TFRC: variants seen among roughly 807,000 people sequenced by gnomAD.
TFRC encodes transferrin receptor.
TFRC carries 35 observed loss-of-function variants against 85.8 expected under a neutral mutation model. The observed-to-expected ratio is 0.41, with a 90% CI of 0.31 to 0.54. The LOEUF (loss-of-function observed/expected upper bound fraction) is 0.54, where lower values mean the gene tolerates loss of function less well. TFRC is among the 20% of genes least tolerant of loss of function. The probability of loss-of-function intolerance (pLI) is 0.31; values close to 1 mark genes in which losing one functional copy is unlikely to be tolerated. For synonymous variants in TFRC, 362 were observed against 328.6 expected, an observed-to-expected ratio of 1.10 and a Z score of -1.10; for missense variants, 828 against 921.5, an observed-to-expected ratio of 0.90 and a Z score of 1.31.
At chr3:196,065,659 C>T (rs949737410) in intron 9 of TFRC, 59 bp from the exon 10 acceptor site, 1 of 1,515,458 alleles carries the variant, frequency 6.6e-7, no homozygotes, top group African/African-American at 1.4e-5. Flanking sequence ...GGGTTTACTC[C>T]TGTCCAGTGA....
intron 16 of TFRC, among the ~76,000 whole-genome samples, chr3:196,056,001 T>A (rs1716758592): frequency 1.3e-5 from 2 of 150,412 alleles, no homozygotes; most frequent in Non-Finnish European, 3.0e-5. Flanking sequence ...ACGAGGCCTC[T>A]CTCTGTCACC....
intron 1 of TFRC, 87 bp downstream of exon 1, chr3:196,081,956 G>T (rs1370055013): frequency 6.6e-6 from 1 of 152,420 alleles, no homozygotes; most frequent in Non-Finnish European, 1.5e-5. Flanking sequence ...ATGGCTGCTG[G>T]ACAGCACCGG....
chr3:196,053,293 A>T, intron 18 of TFRC, 125 bp downstream of exon 18: 1 of 1,059,010 alleles, frequency 9.4e-7, no homozygotes, highest in Non-Finnish European at 1.4e-6. Flanking sequence ...ATGACAGCTA[A>T]ACCATTAATG....
chr3:196,072,155 G>A lies in TFRC; in HGVS notation c.435-3C>T, dbSNP rs1442797813. 3.7e-6 allele frequency: 6 copies of A among 1,611,412 alleles called. No homozygotes were observed. Among genetic ancestry groups the A allele is most frequent in the Non-Finnish European group, 5.1e-6 (6 of 1,179,488 alleles). On this transcript the variant is annotated splice_region_variant and splice_polypyrimidine_tract_variant and intron_variant, in intron 4 of 18. Coordinates refer to ENST00000360110, the MANE Select transcript of TFRC (RefSeq NM_001128148.3). ...CATATGAATTTTCATTCAGCAGCCTGGAGGAGAAAATGCCTTTTAAATGAA... is the reference window on the plus strand; with the variant it reads ...CATATGAATTTTCATTCAGCAGCCTAGAGGAGAAAATGCCTTTTAAATGAA...
intron 9 of TFRC, among the ~76,000 whole-genome samples, 173 bp from the exon 10 acceptor site, chr3:196,065,773 C>T (rs534228154): frequency 6.6e-6 from 1 of 152,052 alleles, no homozygotes; most frequent in Admixed American, 6.6e-5. Flanking sequence ...AGGTGGATCA[C>T]AAGGTCAGGA....
chr3:196,058,366 C>T lies in TFRC; in HGVS notation c.1596-1G>A. The T allele has an allele frequency of 6.2e-7, 1 of 1,613,290 alleles. No individual in the cohort carries two copies. The highest frequency in any genetic ancestry group is 8.5e-7 in the Non-Finnish European group (1 of 1,179,418). ...AGCATTGTCTAAAGTGAGTTTCTCACTGCAAAGACAAAGAATGTGTCTTTA... is the reference window on the plus strand; with the variant it reads ...AGCATTGTCTAAAGTGAGTTTCTCATTGCAAAGACAAAGAATGTGTCTTTA... On this transcript the variant is annotated splice_acceptor_variant, in intron 15 of 18. Coordinates refer to ENST00000360110, the MANE Select transcript of TFRC (RefSeq NM_001128148.3). LOFTEE classifies it high-confidence loss of function.
At chr3:196,063,056 C>A (rs1717418222) in intron 11 of TFRC, 117 bp from the exon 12 acceptor site, 1 of 662,844 alleles carries the variant, frequency 1.5e-6, no homozygotes, top group Non-Finnish European at 2.3e-6. Flanking sequence ...ATTCCAAAAT[C>A]TTTTTTTTCT....
Position 196,068,145 on chromosome 3 carries a change from A to G in TFRC, c.802-15T>C. 1 of 1,589,260 alleles carries G rather than the reference A, an allele frequency of 6.3e-7. No homozygotes were observed. Among genetic ancestry groups the G allele is most frequent in the Non-Finnish European group, 8.6e-7 (1 of 1,161,074 alleles). On this transcript the variant is annotated splice_polypyrimidine_tract_variant and intron_variant, in intron 7 of 18. Coordinates refer to ENST00000360110, the MANE Select transcript of TFRC (RefSeq NM_001128148.3). Reference sequence around the variant, plus strand: ...GCATTTGCAACCTAAAAGAAAACATATAAAGCTCAGAAAATGAAGATCTGA... The same window carrying G: ...GCATTTGCAACCTAAAAGAAAACATGTAAAGCTCAGAAAATGAAGATCTGA...
chr3:196,072,011 G>T lies in TFRC; in HGVS notation c.576C>A (p.Val192=). ...ACCATCTTTCAACATACCTGTCTTT[G>T]ACCTGAATCTTAACAAAATGTTGAT... ...WRDQHFVKIQ[V]KDSAQNSVII... is the part of the protein sequence containing the mutation. The change falls in exon 5 of 19, where the codon GTC becomes GTA. Residue 192 remains valine, a synonymous_variant. Transcript: ENST00000360110. 6.2e-7 allele frequency: 1 copy of T among 1,612,846 alleles called. No homozygotes were observed. Among genetic ancestry groups the T allele is most frequent in the South Asian group, 1.1e-5 (1 of 90,772 alleles).
At chr3:196,058,703 T>C (rs1447369724) in intron 14 of TFRC, 71 bp from the exon 15 acceptor site, 2 of 1,041,096 alleles carry the variant, frequency 1.9e-6, no homozygotes, top group Admixed American at 2.3e-5. Flanking sequence ...CACTAACATG[T>C]TACTCTATAA....
In TFRC at chr3:196,062,889, C is replaced by T. The variant is rs1577230223; in HGVS notation, c.1369G>A (p.Asp457Asn). 1 of 1,614,146 alleles carries T rather than the reference C, an allele frequency of 6.2e-7. No individual in the cohort carries two copies. ...TCAGTGGCACCAACCGATCCAAAGT[C>T]TCCAGCACTCCAACTGGCAAAGATA... ...SIIFASWSAGDFGSVGATEWL... is the reference protein window; with the variant it reads ...SIIFASWSAGNFGSVGATEWL... Residue 457 changes from aspartate (D) to asparagine (N), a missense_variant, in exon 12 of 19, where the codon GAC becomes AAC. Asp to Asn is a conservative substitution (Grantham distance 23, BLOSUM62 1). Coordinates refer to ENST00000360110, the MANE Select transcript of TFRC (RefSeq NM_001128148.3).
At chr3:196,065,417 C>CGGT in intron 10 of TFRC, 26 bp downstream of exon 10, 1 of 371,444 alleles carries the variant, frequency 2.7e-6, no homozygotes, top group Non-Finnish European at 3.6e-6. Context: ...AAAAGCGGGG[C>CGGT]GGGGGGGGGG....
At position 196,062,749 on chromosome 3, in the gene TFRC, G is replaced by A. The variant is rs957411817; in HGVS notation, c.1405-104C>T. The A allele has an allele frequency of 4.5e-6, 7 of 1,544,382 alleles. No homozygotes were observed. In the East Asian group the frequency reaches 6.7e-5, roughly 15 times the overall value. ...ATTCTGGACTCTACTGAGACTAAACGCAAAGGCAAAAGTGGTAAAATCAAA... is the reference window on the plus strand; with the variant it reads ...ATTCTGGACTCTACTGAGACTAAACACAAAGGCAAAAGTGGTAAAATCAAA... On this transcript the variant is annotated intron_variant, in intron 12 of 18. Coordinates refer to ENST00000360110, the MANE Select transcript of TFRC (RefSeq NM_001128148.3).
Position 196,065,435 on chromosome 3 carries a change from G to GGGTTT in TFRC, c.1198+7_1198+8insAAACC. On this transcript the variant is annotated splice_region_variant and intron_variant, in intron 10 of 18. Coordinates refer to ENST00000360110, the MANE Select transcript of TFRC (RefSeq NM_001128148.3). ...AGCGGGGCGGGGGGGGGGGGGGGCG[G>GGGTTT]TCTTTACCTGGTTCTACAAAGCCTT... is the stretch of plus-strand genomic sequence containing the variant. The GGGTTT allele has an allele frequency of 1.5e-6, 1 of 655,718 alleles. No individual in the cohort carries two copies. Among genetic ancestry groups the GGGTTT allele is most frequent in the Non-Finnish European group, 2.2e-6 (1 of 463,142 alleles). 40.6% of individuals were successfully genotyped at this position (655,718 alleles called of 1,614,324 possible).
intron 5 of TFRC, 42 bp downstream of exon 5, chr3:196,071,961 T>G (rs1463841422): frequency 1.3e-6 from 2 of 1,590,766 alleles, no homozygotes; most frequent in Non-Finnish European, 1.7e-6. Context: ...CACCTGAAAA[T>G]AGCTACTTGT....
rs781575089 is a variant in TFRC at position 196,065,444 on chromosome 3, T to G, written c.1197A>C (p.Pro399=). Residue 399 remains proline, a splice_region_variant and synonymous_variant, in exon 10 of 19, where the codon CCA becomes CCC. Transcript: ENST00000360110. ...GGGGGGGGGGGGGGCGGTCTTTACC[T>G]GGTTCTACAAAGCCTTTAATAACTC... ...IFGVIKGFVE[P]DHYVVVGAQR... is the part of the protein sequence containing the mutation. 24 of 955,890 alleles carry G rather than the reference T, an allele frequency of 2.5e-5. No homozygotes were observed. The highest frequency in any genetic ancestry group is 3.8e-5 in the East Asian group (1 of 26,132). The allele number at this position is 955,890 out of a possible 1,614,324, so 59.2% of individuals were successfully genotyped here. A position where few individuals can be genotyped will look rare whatever the true frequency, so the allele number is the denominator to read the frequency against.
At position 196,077,064 on chromosome 3, in the gene TFRC, C is replaced by CA; in HGVS notation, c.35dup (p.Leu12PhefsTer22). The CA allele has an allele frequency of 6.2e-7, 1 of 1,613,486 alleles. No homozygotes were observed. The highest frequency in any genetic ancestry group is 8.5e-7 in the Non-Finnish European group (1 of 1,179,622). ...AGAAATACAACTGAAAATATCTTAC[C>CA]AAGTTAGAGAATGCTGATCTAGCTT... On this transcript the variant is annotated frameshift_variant and splice_region_variant, in exon 2 of 19. Transcript: ENST00000360110. LOFTEE classifies it high-confidence loss of function.
At chr3:196,057,781 C>CAAA (rs370832734) in intron 16 of TFRC, among the ~76,000 whole-genome samples, 2 of 77,566 alleles carry the variant, frequency 2.6e-5, no homozygotes, top group African/African-American at 4.1e-5. Flanking sequence ...TCACCATTGT[C>CAAA]AAAAAAAAAA....
chr3:196,055,874 G>C (rs1716746259), intron 16 of TFRC, among the ~76,000 whole-genome samples: 1 of 148,790 alleles, frequency 6.7e-6, no homozygotes, highest in Non-Finnish European at 1.5e-5. Flanking sequence ...GTCTCTCTCT[G>C]TCACCCAGGC....
Sources: allele counts gnomAD v4.1 joint callset (sites outside exome capture counted in the v4.1 genomes callset), GRCh38; gene constraint gnomAD v4.1.1; transcripts MANE v1.5; gene names NCBI Gene and HGNC (gene_info 2026-07-23, HGNC 2026-07-21).